The following SOX5 variants were observed in gnomAD, a reference collection of about 807,000 sequenced individuals.
SOX5 encodes transcription factor SOX-5.
In SOX5, 9 loss-of-function variants were observed where a neutral mutation model predicts 92.0. The ratio of observed to expected loss-of-function variants is 0.10; its 90% CI spans 0.06 to 0.17. The LOEUF (loss-of-function observed/expected upper bound fraction) is 0.17. Among genes scored for constraint, SOX5 ranks in the 10% least tolerant of loss-of-function variants. The pLI is 1.00. For synonymous variants in SOX5, 344 were observed against 336.3 expected, an observed-to-expected ratio of 1.02 and a Z score of -0.25; for missense variants, 642 against 944.5, an observed-to-expected ratio of 0.68 and a Z score of 4.20.
chr12:23,534,708 T>C (rs1026875492), intron 14 of SOX5, among the ~76,000 whole-genome samples, 186 bp from the exon 15 acceptor site: 5 of 147,032 alleles, frequency 3.4e-5, no homozygotes, highest in East Asian at 2.0e-4. Context: ...TCTTTTCTTT[T>C]TTTTTTTTTT....
At chr12:23,873,023 G>C (rs1449415648) in intron 2 of SOX5, among the ~76,000 whole-genome samples, 5 of 152,156 alleles carry the variant, frequency 3.3e-5, no homozygotes, top group South Asian at 2.1e-4. Context: ...ATACAGAAAA[G>C]TTTACTTTAA....
At position 24,506,667 on chromosome 12, in the gene SOX5, C is replaced by T; in HGVS notation, c.-251+55662G>A. ...AACAATGGCATCCTACTGATAAAATCTGCTGATCAGAGCCTTGAAGAATCT... is the reference window on the plus strand; with the variant it reads ...AACAATGGCATCCTACTGATAAAATTTGCTGATCAGAGCCTTGAAGAATCT... On this transcript the variant is annotated intron_variant, in intron 1 of 4. Coordinates refer to the SOX5 transcript ENST00000446891. 1.3e-5 allele frequency among the ~76,000 whole-genome samples: 2 copies of T among 151,918 alleles called. 1 individual carries two copies. Among genetic ancestry groups the T allele is most frequent in the Non-Finnish European group, 2.9e-5 (2 of 68,014 alleles).
At chr12:24,272,401 A>C (rs1042964105) in intron 3 of SOX5, among the ~76,000 whole-genome samples, 3 of 152,222 alleles carry the variant, frequency 2.0e-5, no homozygotes, top group Non-Finnish European at 4.4e-5. Context: ...TAGGATTTCT[A>C]GAAAAATACT....
intron 3 of SOX5, among the ~76,000 whole-genome samples, chr12:23,844,832 A>G (rs966164534): frequency 1.3e-5 from 2 of 152,200 alleles, no homozygotes; most frequent in Non-Finnish European, 2.9e-5. Flanking sequence ...TTTTAAACAC[A>G]TAAGGTTGTC....
At chr12:24,188,370 C>A (rs1305616633) in intron 4 of SOX5, among the ~76,000 whole-genome samples, 1 of 152,026 alleles carries the variant, frequency 6.6e-6, no homozygotes, top group Admixed American at 6.6e-5. Flanking sequence ...TTTATAATAG[C>A]AAATGATATA....
intron 3 of SOX5, among the ~76,000 whole-genome samples, chr12:23,809,462 C>G (rs2095838164): frequency 6.6e-6 from 1 of 151,772 alleles, no homozygotes. Context: ...ACCAGTATTA[C>G]ATAAATTTTA....
intron 3 of SOX5, among the ~76,000 whole-genome samples, chr12:23,836,236 T>C (rs1356351837): frequency 1.3e-5 from 2 of 151,896 alleles, no homozygotes; most frequent in East Asian, 3.8e-4. Flanking sequence ...CGATAGACCA[T>C]AATTATCACA....
chr12:23,647,330 C>G (rs111411266), intron 7 of SOX5, among the ~76,000 whole-genome samples: 1 of 152,158 alleles, frequency 6.6e-6, no homozygotes, highest in Non-Finnish European at 1.5e-5. Context: ...GTGCTGTCAT[C>G]CAGGCTTTTG....
intron 3 of SOX5, chr12:24,213,419 T>TAAAAAGAAAAAA (rs1958854543): frequency 1.0e-5 from 1 of 96,864 alleles, no homozygotes; most frequent in African/African-American, 4.0e-5. Context: ...CTTGAAATGC[T>TAAAAAGAAAAAA]AAAAAAAAAA....
chr12:23,783,401 T>A (rs1458162476), intron 3 of SOX5, among the ~76,000 whole-genome samples: 3 of 152,192 alleles, frequency 2.0e-5, no homozygotes, highest in African/African-American at 7.2e-5. Flanking sequence ...GAAGAACAGA[T>A]AATCAAATGA....
chr12:23,961,091 A>C (rs1188138851), intron 4 of SOX5, among the ~76,000 whole-genome samples: 1 of 152,166 alleles, frequency 6.6e-6, no homozygotes, highest in African/African-American at 2.4e-5. Context: ...CAGACCCCAG[A>C]TAGCTGTTTT....
At chr12:24,506,843 T>C (rs1003083623) in intron 1 of SOX5, among the ~76,000 whole-genome samples, 10 of 125,336 alleles carry the variant, frequency 8.0e-5, no homozygotes, top group African/African-American at 3.1e-4. Flanking sequence ...CAGGCTGGAG[T>C]GCAGTGGCGC....
chr12:23,826,994 T>C (rs1269810459), intron 3 of SOX5, among the ~76,000 whole-genome samples: 1 of 152,250 alleles, frequency 6.6e-6, no homozygotes, highest in East Asian at 1.9e-4. Flanking sequence ...TATTGTGTGC[T>C]TCTGCAGCTA....
At chr12:23,676,154 G>A (rs1159534436) in intron 6 of SOX5, among the ~76,000 whole-genome samples, 4 of 152,020 alleles carry the variant, frequency 2.6e-5, no homozygotes, top group East Asian at 1.9e-4. Flanking sequence ...CTAATGTACA[G>A]CATGAGAGCG....
At chr12:23,557,635 T>C (rs1055687942) in intron 11 of SOX5, among the ~76,000 whole-genome samples, 1 of 152,200 alleles carries the variant, frequency 6.6e-6, no homozygotes. Flanking sequence ...CTTGTGCACA[T>C]GCTTCTGTGT....
At chr12:24,023,959 G>T (rs1026434404) in intron 4 of SOX5, among the ~76,000 whole-genome samples, 1 of 151,922 alleles carries the variant, frequency 6.6e-6, no homozygotes, top group Non-Finnish European at 1.5e-5. Context: ...TTATCTTTAC[G>T]TGTCCTGTTA....
At chr12:24,138,408 G>A (rs1190113571) in intron 4 of SOX5, among the ~76,000 whole-genome samples, 1 of 152,238 alleles carries the variant, frequency 6.6e-6, no homozygotes, top group African/African-American at 2.4e-5. Context: ...CTCCAGGCTG[G>A]CCTGTCAATC....
intron 4 of SOX5, among the ~76,000 whole-genome samples, chr12:24,177,954 T>G (rs1412648826): frequency 6.6e-6 from 1 of 152,190 alleles, no homozygotes; most frequent in African/African-American, 2.4e-5. Context: ...CTGAATAGCT[T>G]TGCCATTTGT....
chr12:23,665,422 A>G (rs1294815859), intron 7 of SOX5, 22 bp downstream of exon 7: 1 of 1,612,890 alleles, frequency 6.2e-7, no homozygotes, highest in East Asian at 2.2e-5. Flanking sequence ...CCACTCCCAG[A>G]TGAAAAATCA....
Sources: allele counts gnomAD v4.1 joint callset (sites outside exome capture counted in the v4.1 genomes callset), GRCh38; gene constraint gnomAD v4.1.1; transcripts MANE v1.5; gene names NCBI Gene and HGNC (gene_info 2026-07-23, HGNC 2026-07-21).